PLCB4: variants seen among roughly 807,000 people sequenced by gnomAD.
The protein encoded by PLCB4 is phospholipase C beta 4, also known as 1-phosphatidylinositol 4,5-bisphosphate phosphodiesterase beta-4.
A neutral mutation model predicts 178.8 loss-of-function variants in PLCB4; 77 were observed. The observed-to-expected ratio is 0.43, with a 90% CI of 0.36 to 0.52. The LOEUF is 0.52. Among genes scored for constraint, PLCB4 ranks in the 20% least tolerant of loss-of-function variants. The pLI is 0.00. For missense variants in PLCB4, 1,024 were observed against 1,453.4 expected, an observed-to-expected ratio of 0.70 and a Z score of 4.80; for synonymous variants, 496 against 490.8, an observed-to-expected ratio of 1.01 and a Z score of -0.14.
At chr20:9,321,920 C>T (rs1021217674) in intron 4 of PLCB4, among the ~76,000 whole-genome samples, 4 of 151,432 alleles carry the variant, frequency 2.6e-5, no homozygotes, top group Admixed American at 6.6e-5. Context: ...GCGTGAGAGC[C>T]ACTATGCCTG....
chr20:9,395,678 A>T, intron 19 of PLCB4, 60 bp downstream of exon 19: 1 of 1,263,584 alleles, frequency 7.9e-7, no homozygotes, highest in Non-Finnish European at 1.1e-6. Context: ...AAATAAGAAA[A>T]CCAGGCTGGG....
At chr20:9,145,312 A>G (rs1312340044) in intron 2 of PLCB4, among the ~76,000 whole-genome samples, 2 of 152,130 alleles carry the variant, frequency 1.3e-5, no homozygotes, top group Admixed American at 1.3e-4. Context: ...AATGAGTTAA[A>G]ATGTTTTTCT....
intron 19 of PLCB4, among the ~76,000 whole-genome samples, chr20:9,401,073 A>G (rs2038987878): frequency 6.6e-6 from 1 of 152,224 alleles, no homozygotes; most frequent in African/African-American, 2.4e-5. Context: ...TTTCAAAATT[A>G]TCCGATGTAT....
At chr20:9,392,450 T>G (rs751973816) in intron 17 of PLCB4, among the ~76,000 whole-genome samples, 1 of 152,188 alleles carries the variant, frequency 6.6e-6, no homozygotes, top group African/African-American at 2.4e-5. Flanking sequence ...TGTACATCCT[T>G]TGTAAATGGA....
intron 30 of PLCB4, among the ~76,000 whole-genome samples, chr20:9,437,521 C>A (rs2041848408): frequency 6.6e-6 from 1 of 152,192 alleles, no homozygotes; most frequent in African/African-American, 2.4e-5. Context: ...GGTGGCATCA[C>A]AAAGAATCAC....
intron 3 of PLCB4, among the ~76,000 whole-genome samples, chr20:9,280,216 C>T (rs778335163): frequency 6.6e-6 from 1 of 152,004 alleles, no homozygotes; most frequent in Non-Finnish European, 1.5e-5. Context: ...GTCATATCCC[C>T]TGAGAAGTTT....
intron 7 of PLCB4, among the ~76,000 whole-genome samples, chr20:9,348,807 T>C (rs1418291778): frequency 6.6e-6 from 1 of 152,200 alleles, no homozygotes; most frequent in East Asian, 1.9e-4. Flanking sequence ...TTTCGGGGAA[T>C]TTTGTCACCT....
chr20:9,322,368 G>A (rs926412332), intron 4 of PLCB4, among the ~76,000 whole-genome samples: 2 of 152,096 alleles, frequency 1.3e-5, no homozygotes, highest in Non-Finnish European at 1.5e-5. Context: ...TATTGTCAGC[G>A]AGAAAGCCTA....
chr20:9,258,456 C>T (rs951062481), intron 3 of PLCB4, among the ~76,000 whole-genome samples: 2 of 151,958 alleles, frequency 1.3e-5, no homozygotes, highest in African/African-American at 4.8e-5. Context: ...GTGACTCATG[C>T]CTATAATCCC....
chr20:9,415,860 C>T (rs945626904), intron 25 of PLCB4, among the ~76,000 whole-genome samples: 8 of 152,182 alleles, frequency 5.3e-5, no homozygotes, highest in African/African-American at 1.9e-4. Flanking sequence ...AGCTCTGGTG[C>T]CAGATTCTGG....
chr20:9,137,297 T>C (rs2092403266), intron 2 of PLCB4, among the ~76,000 whole-genome samples: 1 of 152,080 alleles, frequency 6.6e-6, no homozygotes, highest in Non-Finnish European at 1.5e-5. Flanking sequence ...ATTTACTCTC[T>C]AGACAGAATC....
intron 2 of PLCB4, among the ~76,000 whole-genome samples, chr20:9,098,652 A>G (rs2091013309): frequency 6.6e-6 from 1 of 150,864 alleles, no homozygotes; most frequent in South Asian, 2.1e-4. Flanking sequence ...ATACGTATAT[A>G]TGTTAGTCTC....
chr20:9,154,387 A>G (rs2092745624), intron 2 of PLCB4, among the ~76,000 whole-genome samples: 1 of 152,204 alleles, frequency 6.6e-6, no homozygotes, highest in Admixed American at 6.5e-5. Context: ...CTATTGAGTT[A>G]TAACTGGCAA....
intron 17 of PLCB4, among the ~76,000 whole-genome samples, chr20:9,393,192 T>G (rs1466248960): frequency 1.4e-4 from 22 of 152,224 alleles, no homozygotes; most frequent in Non-Finnish European, 4.4e-5. Context: ...TGGGGGGATC[T>G]GGGGGGCCTC....
chr20:9,453,439 A>G lies in PLCB4; in HGVS notation c.2973A>G (p.Leu991=), dbSNP rs765170489. 1.9e-6 allele frequency: 3 copies of G among 1,603,908 alleles called. No homozygotes were observed. Among genetic ancestry groups the G allele is most frequent in the African/African-American group, 1.3e-5 (1 of 74,732 alleles). The part of the protein sequence containing the change: ...DKEKSTHEKI[L]EKAMKKKGGS... ...AGAAGTCGACTCATGAGAAAATCCT[A>G]GAGAAGGCAATGAAGAAGAAGGGGT... The change falls in exon 33 of 40, where the codon CTA becomes CTG. Residue 991 remains leucine, a synonymous_variant. Transcript: ENST00000378473.
intron 25 of PLCB4, among the ~76,000 whole-genome samples, chr20:9,411,979 T>C (rs1373604173): frequency 6.6e-6 from 1 of 152,210 alleles, no homozygotes; most frequent in Non-Finnish European, 1.5e-5. Context: ...GGAATGACTT[T>C]TCAGCATGCA....
intron 2 of PLCB4, among the ~76,000 whole-genome samples, chr20:9,157,600 A>G (rs1247950604): frequency 6.6e-6 from 1 of 152,186 alleles, no homozygotes; most frequent in Non-Finnish European, 1.5e-5. Flanking sequence ...AGACTCCTCA[A>G]TTGTTTGACA....
chr20:9,453,581 A>G, intron 33 of PLCB4, 119 bp downstream of exon 33: 1 of 607,978 alleles, frequency 1.6e-6, no homozygotes, highest in East Asian at 2.8e-5. Context: ...TTCATCATTA[A>G]AAATTATTCC....
chr20:9,386,640 G>A (rs1299063424), intron 14 of PLCB4, among the ~76,000 whole-genome samples: 2 of 151,732 alleles, frequency 1.3e-5, no homozygotes, highest in Non-Finnish European at 2.9e-5. Flanking sequence ...AAAATTAAAA[G>A]TAATTTTTTT....
Sources: gnomAD v4.1 joint callset for allele counts (sites outside exome capture counted in the v4.1 genomes callset) on GRCh38, gnomAD v4.1.1 for gene constraint, MANE v1.5 for transcripts, NCBI Gene and HGNC (gene_info 2026-07-23, HGNC 2026-07-21) for gene names.